TMPRSS11F: variants seen among roughly 807,000 people sequenced by gnomAD.
The protein encoded by TMPRSS11F is transmembrane protease serine 11F.
Under a neutral mutation model 60.2 loss-of-function variants are expected in TMPRSS11F, and 47 were observed. The ratio of observed to expected loss-of-function variants is 0.78; its 90% CI spans 0.62 to 1.00. The LOEUF (loss-of-function observed/expected upper bound fraction) is 1.00. TMPRSS11F is among the 50% of genes least tolerant of loss of function. The pLI is 0.00. For synonymous variants in TMPRSS11F, 166 were observed against 167.3 expected, an observed-to-expected ratio of 0.99 and a Z score of 0.06; for missense variants, 519 against 522.9, an observed-to-expected ratio of 0.99 and a Z score of 0.07.
intron 1 of TMPRSS11F, among the ~76,000 whole-genome samples, chr4:68,107,743 C>T (rs1164727199): frequency 2.6e-5 from 4 of 152,144 alleles, no homozygotes; most frequent in Admixed American, 2.6e-4. Flanking sequence ...TCAAGACCAT[C>T]CTGGCCAACA....
chr4:68,120,212 T>C (rs1234735025), intron 1 of TMPRSS11F, among the ~76,000 whole-genome samples: 2 of 152,038 alleles, frequency 1.3e-5, no homozygotes, highest in African/African-American at 4.8e-5. Context: ...CCTGGTGAAA[T>C]GTTTTCATAT....
At chr4:68,121,912 G>A (rs992378769) in intron 1 of TMPRSS11F, among the ~76,000 whole-genome samples, 3 of 152,184 alleles carry the variant, frequency 2.0e-5, no homozygotes, top group African/African-American at 4.8e-5. Context: ...ACCTTTGAGA[G>A]CTTCTCATTC....
At chr4:68,060,495 G>T (rs1354547668) in intron 8 of TMPRSS11F, among the ~76,000 whole-genome samples, 2 of 102,246 alleles carry the variant, frequency 2.0e-5, no homozygotes, top group African/African-American at 3.9e-5. Flanking sequence ...CAGCCTGGGT[G>T]ACAGAGTGAG....
chr4:68,110,457 C>A (rs1189459426), intron 1 of TMPRSS11F, among the ~76,000 whole-genome samples: 1 of 151,962 alleles, frequency 6.6e-6, no homozygotes, highest in Non-Finnish European at 1.5e-5. Context: ...GCTCTATAGG[C>A]AATTAAAAGG....
intron 8 of TMPRSS11F, among the ~76,000 whole-genome samples, chr4:68,064,279 G>A (rs559893822): frequency 2.6e-5 from 4 of 151,394 alleles, no homozygotes; most frequent in Non-Finnish European, 4.4e-5. Flanking sequence ...CTGCCTCCTA[G>A]ATTCAAGCAA....
At chr4:68,074,087 G>A (rs1723536737) in intron 3 of TMPRSS11F, 78 bp from the exon 4 acceptor site, 1 of 903,034 alleles carries the variant, frequency 1.1e-6, no homozygotes, top group South Asian at 2.0e-5. Flanking sequence ...AGAAGTATTA[G>A]TCTTAAGAAA....
At position 68,085,246 on chromosome 4, in the gene TMPRSS11F, A is replaced by C. The variant is rs557857609; in HGVS notation, c.282+5277T>G. On this transcript the variant is annotated intron_variant, in intron 3 of 9. Coordinates refer to ENST00000356291, the MANE Select transcript of TMPRSS11F (RefSeq NM_207407.2). ...ATGATTTATAGTCATTTGGGTATATACCCAGTAATGGGATGGCTGGGTCAA... is the reference window on the plus strand; with the variant it reads ...ATGATTTATAGTCATTTGGGTATATCCCCAGTAATGGGATGGCTGGGTCAA... 4.8e-3 allele frequency among the ~76,000 whole-genome samples: 726 copies of C among 150,968 alleles called. 6 individuals are homozygous for C. The highest frequency in any genetic ancestry group is 0.017 in the African/African-American group (683 of 41,046).
intron 3 of TMPRSS11F, among the ~76,000 whole-genome samples, chr4:68,075,946 T>G (rs899666340): frequency 6.6e-6 from 1 of 151,484 alleles, no homozygotes; most frequent in Non-Finnish European, 1.5e-5. Context: ...TGAGCCAAGA[T>G]TAGGCCACTG....
chr4:68,063,676 G>A (rs1419321491), intron 8 of TMPRSS11F, among the ~76,000 whole-genome samples: 1 of 152,084 alleles, frequency 6.6e-6, no homozygotes, highest in Non-Finnish European at 1.5e-5. Flanking sequence ...ATCACCGCTG[G>A]CCTAATCTTT....
chr4:68,068,529 A>T, intron 7 of TMPRSS11F, 89 bp downstream of exon 7: 1 of 1,122,902 alleles, frequency 8.9e-7, no homozygotes, highest in Non-Finnish European at 1.3e-6. Flanking sequence ...CAAAGGTTAA[A>T]CTGGAGAGAC....
intron 1 of TMPRSS11F, among the ~76,000 whole-genome samples, chr4:68,100,523 T>A (rs1054075907): frequency 3.9e-5 from 6 of 152,118 alleles, no homozygotes; most frequent in Non-Finnish European, 5.9e-5. Flanking sequence ...GTTCTTGAAC[T>A]TTGTTGAATG....
intron 1 of TMPRSS11F, among the ~76,000 whole-genome samples, chr4:68,102,148 A>T (rs982186470): frequency 2.0e-5 from 3 of 152,136 alleles, no homozygotes; most frequent in Non-Finnish European, 2.9e-5. Flanking sequence ...GGCAAATGGC[A>T]GGATCTTGGT....
intron 1 of TMPRSS11F, among the ~76,000 whole-genome samples, chr4:68,100,663 A>G (rs1724174225): frequency 6.6e-6 from 1 of 152,172 alleles, no homozygotes; most frequent in Non-Finnish European, 1.5e-5. Flanking sequence ...ACATCAATAT[A>G]GTTAATAAAG....
At position 68,074,000 on chromosome 4, in the gene TMPRSS11F, T is replaced by A; in HGVS notation, c.292A>T (p.Ile98Leu). 1 of 1,560,438 alleles carries A rather than the reference T, an allele frequency of 6.4e-7. No individual in the cohort carries two copies. The highest frequency in any genetic ancestry group is 8.7e-7 in the Non-Finnish European group (1 of 1,155,000). ...SHQIERMMSRIFRHSSVGGRF... is the reference protein window; with the variant it reads ...SHQIERMMSRLFRHSSVGGRF... ...CCGCCTACAGAAGAATGTCGAAATA[T>A]CCTAGACATCTGATTTTTAAAAAAT... is the stretch of plus-strand genomic sequence containing the variant. The change falls in exon 4 of 10, where the codon ATA (isoleucine) becomes TTA (leucine). Residue 98 changes from isoleucine (I) to leucine (L), a missense_variant. Physicochemically the swap from Ile to Leu is conservative, Grantham distance 5. Coordinates refer to ENST00000356291, the MANE Select transcript of TMPRSS11F (RefSeq NM_207407.2).
At chr4:68,063,775 C>T (rs565813731) in intron 8 of TMPRSS11F, among the ~76,000 whole-genome samples, 2 of 151,814 alleles carry the variant, frequency 1.3e-5, no homozygotes, top group Non-Finnish European at 2.9e-5. Context: ...CTTTTAACAC[C>T]CCTAGCAGGT....
chr4:68,097,127 A>T (rs898491837), intron 2 of TMPRSS11F, among the ~76,000 whole-genome samples: 9 of 152,198 alleles, frequency 5.9e-5, no homozygotes, highest in African/African-American at 1.9e-4. Flanking sequence ...GTCAGGAAAG[A>T]CTTGGAGATA....
rs1012425015 is a variant in TMPRSS11F, at chr4:68,066,858, C to T, written c.755+1760G>A. On this transcript the variant is annotated intron_variant, in intron 7 of 9. Coordinates refer to ENST00000356291, the MANE Select transcript of TMPRSS11F (RefSeq NM_207407.2). Reference sequence around the variant, plus strand: ...CTGAGGCAGGAGAATGGCGTGAACCCGGGAGGCAGAGCTTGCAGTGAGCTG... The same window carrying T: ...CTGAGGCAGGAGAATGGCGTGAACCTGGGAGGCAGAGCTTGCAGTGAGCTG... 4.7e-5 allele frequency among the ~76,000 whole-genome samples: 7 copies of T among 149,350 alleles called. No homozygotes were observed. In the East Asian group the frequency reaches 5.9e-4, roughly 13 times the overall value.
chr4:68,124,547 T>C (rs747037931), intron 1 of TMPRSS11F, among the ~76,000 whole-genome samples: 15 of 152,206 alleles, frequency 9.9e-5, no homozygotes, highest in Non-Finnish European at 1.5e-4. Context: ...ATTTTAGTTT[T>C]TATTGATTCA....
At chr4:68,107,371 A>G (rs1724323488) in intron 1 of TMPRSS11F, among the ~76,000 whole-genome samples, 2 of 152,214 alleles carry the variant, frequency 1.3e-5, no homozygotes, top group African/African-American at 4.8e-5. Flanking sequence ...AGGACACAGA[A>G]TAACCAGGGT....
Sources: gnomAD v4.1 joint callset for allele counts (sites outside exome capture counted in the v4.1 genomes callset) on GRCh38, gnomAD v4.1.1 for gene constraint, MANE v1.5 for transcripts, NCBI Gene and HGNC (gene_info 2026-07-23, HGNC 2026-07-21) for gene names.